ANK3: variants seen among roughly 807,000 people sequenced by gnomAD.
The protein encoded by ANK3 is ankyrin-3.
A neutral mutation model predicts 370.9 loss-of-function variants in ANK3; 57 were observed. The ratio of observed to expected loss-of-function variants is 0.15; its 90% CI spans 0.12 to 0.19. The LOEUF (loss-of-function observed/expected upper bound fraction) is 0.19. Among genes scored for constraint, ANK3 ranks in the 10% least tolerant of loss-of-function variants. ANK3 has a pLI of 1.00. For synonymous variants in ANK3, 1,929 were observed against 1,946.3 expected, an observed-to-expected ratio of 0.99 and a Z score of 0.23; for missense variants, 4,439 against 5,302.1, an observed-to-expected ratio of 0.84 and a Z score of 5.06.
Position 60,671,652 on chromosome 10 carries a change from G to A in ANK3, c.58-56428C>T, listed in dbSNP as rs116191604. 3.2e-3 allele frequency among the ~76,000 whole-genome samples: 481 copies of A among 152,302 alleles called. 4 individuals carry two copies. Among genetic ancestry groups the A allele is most frequent in the African/African-American group, 0.011 (456 of 41,550 alleles). ...GTTCACTATTGTACCCCAGTATGCAGCCCAGCCCAGGACACTGTGGAAATG... is the reference window on the plus strand; with the variant it reads ...GTTCACTATTGTACCCCAGTATGCAACCCAGCCCAGGACACTGTGGAAATG... On this transcript the variant is annotated intron_variant, in intron 1 of 43. Coordinates refer to the ANK3 transcript ENST00000373827.
intron 2 of ANK3, among the ~76,000 whole-genome samples, chr10:60,472,768 T>C (rs1490103195): frequency 6.6e-6 from 1 of 152,180 alleles, no homozygotes; most frequent in Non-Finnish European, 1.5e-5. Flanking sequence ...TGCTCACACA[T>C]TTCTTGACAC....
In ANK3 at chr10:60,327,489, T is replaced by A. The variant is rs1593832681; in HGVS notation, c.115-47850A>T. 2.6e-5 allele frequency among the ~76,000 whole-genome samples: 4 copies of A among 152,340 alleles called. No individual in the cohort carries two copies. The Middle Eastern group carries it at 0.01, about 389-fold the overall frequency. ...ACTGACTCCCACATTCTACTAATCT[T>A]TTCCTCTCCTTATACCGCAGTAAAA... is the stretch of plus-strand genomic sequence containing the variant. On this transcript the variant is annotated intron_variant, in intron 1 of 43. Transcript: ENST00000280772.
intron 2 of ANK3, among the ~76,000 whole-genome samples, chr10:60,603,078 T>C (rs998784838): frequency 2.0e-5 from 3 of 152,112 alleles, no homozygotes; most frequent in African/African-American, 7.2e-5. Context: ...ACTCAGCAAA[T>C]GCTTGTGTCT....
chr10:60,563,150 AATATCAT>A (rs1396877440), intron 2 of ANK3, among the ~76,000 whole-genome samples: 1 of 152,196 alleles, frequency 6.6e-6, no homozygotes, highest in African/African-American at 2.4e-5. Flanking sequence ...AAGCTTTATA[AATATCAT>A]CTTGAAAACC....
chr10:60,690,560 T>C (rs2079337509), intron 1 of ANK3, among the ~76,000 whole-genome samples: 1 of 152,180 alleles, frequency 6.6e-6, no homozygotes, highest in Admixed American at 6.5e-5. Flanking sequence ...AATACTTTTA[T>C]GAAACATAAA....
At chr10:60,279,226 A>T in intron 2 of ANK3, 78 bp from the exon 3 acceptor site, 1 of 1,268,504 alleles carries the variant, frequency 7.9e-7, no homozygotes, top group Non-Finnish European at 1.1e-6. Context: ...AACTCCTGAG[A>T]TATTATAAAG....
chr10:60,151,656 AGC>A (rs2095123079), intron 23 of ANK3, among the ~76,000 whole-genome samples: 1 of 152,198 alleles, frequency 6.6e-6, no homozygotes, highest in South Asian at 2.1e-4. Context: ...CAGAACTGTG[AGC>A]CAAAATAAAC....
chr10:60,085,101 C>T (rs1190068858), intron 31 of ANK3, 56 bp downstream of exon 31: 8 of 1,433,580 alleles, frequency 5.6e-6, no homozygotes, highest in Non-Finnish European at 7.7e-6. Flanking sequence ...TTTTACTTTC[C>T]AAAAGGTAAT....
rs182484762 is a variant in ANK3, at chr10:60,467,121, G to T, written c.96+148065C>A. Reference sequence around the variant, plus strand: ...CTATTAAAAAGAAAATATGGAGAGTGAAACTCAGGAAATATATGCAATTCA... The same window carrying T: ...CTATTAAAAAGAAAATATGGAGAGTTAAACTCAGGAAATATATGCAATTCA... On this transcript the variant is annotated intron_variant, in intron 2 of 43. Transcript: ENST00000373827. Among the ~76,000 whole-genome samples the T allele has an allele frequency of 2.4e-4, 36 of 152,222 alleles. No homozygotes were observed. In the East Asian group the frequency reaches 5.8e-3, roughly 24 times the overall value.
intron 1 of ANK3, among the ~76,000 whole-genome samples, chr10:60,713,090 C>T (rs2079732790): frequency 6.6e-6 from 1 of 152,136 alleles, no homozygotes; most frequent in Non-Finnish European, 1.5e-5. Context: ...AAGTAAAAAG[C>T]ACCATTAAGC....
chr10:60,569,360 G>A (rs1165087363), intron 2 of ANK3, among the ~76,000 whole-genome samples: 1 of 152,090 alleles, frequency 6.6e-6, no homozygotes, highest in Non-Finnish European at 1.5e-5. Context: ...TCAGGTACAT[G>A]ATCCCCATTT....
chr10:60,042,921 A>G, intron 42 of ANK3, 162 bp from the exon 43 acceptor site: 1 of 1,428,100 alleles, frequency 7.0e-7, no homozygotes, highest in Non-Finnish European at 9.1e-7. Flanking sequence ...TTAACCACAC[A>G]GTTTAGCATC....
At chr10:60,279,725 A>G (rs2098134990) in intron 1 of ANK3, 86 bp from the exon 2 acceptor site, 1 of 949,768 alleles carries the variant, frequency 1.1e-6, no homozygotes, top group South Asian at 1.5e-5. Flanking sequence ...CCAAACTAAA[A>G]TAATTGAACT....
In ANK3 at chr10:60,638,865, C is replaced by T. The variant is rs546575965; in HGVS notation, c.58-23641G>A. On this transcript the variant is annotated intron_variant, in intron 1 of 43. Coordinates refer to the ANK3 transcript ENST00000373827. ...GCACAGACAGAAAGATGATTGAAAA[C>T]GTGAACAGAGTATCAGTGACCAGTG... is the stretch of plus-strand genomic sequence containing the variant. Among the ~76,000 whole-genome samples, 57 of 152,068 alleles carry T rather than the reference C, an allele frequency of 3.7e-4. No homozygotes were observed. The South Asian group carries it at 9.3e-3, about 25-fold the overall frequency.
chr10:60,042,735 T>C lies in ANK3; in HGVS notation c.13090A>G (p.Thr4364Ala), dbSNP rs1309115765. ...TCCACATGCCGGATTTCTTTCTTCG[T>C]TTTCACCTTAAAACCTTCTCCCTGC... ...QKQGEGFKVK[T>A]KKEIRHVEKK... The change falls in exon 43 of 44, where the codon ACG becomes GCG. Residue 4364 changes from threonine (T) to alanine (A), a missense_variant. Thr to Ala is a moderately conservative substitution (Grantham distance 58). Transcript: ENST00000280772. 2 of 1,614,114 alleles carry C rather than the reference T, an allele frequency of 1.2e-6. No homozygotes were observed. The highest frequency in any genetic ancestry group is 1.1e-5 in the South Asian group (1 of 91,064).
rs2083299826 is a variant in ANK3 at position 60,074,101 on chromosome 10, A to G, written c.6780T>C (p.Gly2260=). The G allele has an allele frequency of 6.2e-7, 1 of 1,614,000 alleles. No homozygotes were observed. The highest frequency in any genetic ancestry group is 8.5e-7 in the Non-Finnish European group (1 of 1,179,962). The stretch of plus-strand genomic sequence containing the variant: ...CTTCAATTCTTTCAGATGCACCTTC[A>G]CCGCCTGGTGGAGAATGATAAACCA... The part of the protein sequence containing the change: ...TRMVYHSPPG[G]EGASERIEET... Residue 2260 remains glycine (G), a synonymous_variant, in exon 37 of 44, where the codon GGT becomes GGC. Coordinates refer to ENST00000280772, the MANE Select transcript of ANK3 (RefSeq NM_020987.5).
chr10:60,543,289 C>T (rs1161559364), intron 2 of ANK3, among the ~76,000 whole-genome samples: 1 of 151,690 alleles, frequency 6.6e-6, no homozygotes, highest in Non-Finnish European at 1.5e-5. Flanking sequence ...ATCTTTTGCC[C>T]CTAGATTCCT....
intron 2 of ANK3, among the ~76,000 whole-genome samples, chr10:60,452,872 G>A (rs1283059773): frequency 6.6e-6 from 1 of 152,090 alleles, no homozygotes; most frequent in Non-Finnish European, 1.5e-5. Flanking sequence ...CTATGCAGGT[G>A]CTCACAGCTT....
At chr10:60,168,970 C>T (rs2095700608) in intron 21 of ANK3, among the ~76,000 whole-genome samples, 1 of 152,152 alleles carries the variant, frequency 6.6e-6, no homozygotes. Context: ...GTTGATTTCA[C>T]ATCTTTGCTA....
Sources: gnomAD v4.1 joint callset for allele counts (sites outside exome capture counted in the v4.1 genomes callset) on GRCh38, gnomAD v4.1.1 for gene constraint, MANE v1.5 for transcripts, NCBI Gene and HGNC (gene_info 2026-07-23, HGNC 2026-07-21) for gene names.